DST: variants seen among roughly 807,000 people sequenced by gnomAD.
The protein encoded by DST is dystonin.
Under a neutral mutation model 875.2 loss-of-function variants are expected in DST, and 253 were observed. The observed-to-expected ratio is 0.29, with a 90% CI of 0.26 to 0.32. The LOEUF (loss-of-function observed/expected upper bound fraction) is 0.32. DST is among the 10% of genes least tolerant of loss of function. DST has a pLI of 1.00. For missense variants in DST, 8,287 were observed against 9,111.6 expected, an observed-to-expected ratio of 0.91 and a Z score of 3.68; for synonymous variants, 3,124 against 3,197.1, an observed-to-expected ratio of 0.98 and a Z score of 0.77.
intron 91 of DST, 82 bp downstream of exon 91, chr6:56,477,263 T>G: frequency 1.4e-6 from 2 of 1,451,854 alleles, no homozygotes; most frequent in South Asian, 2.9e-5. Flanking sequence ...TGGCCATAAG[T>G]GCATCTTAAT....
chr6:56,534,239 T>TA (rs1191850868), intron 63 of DST, among the ~76,000 whole-genome samples: 1 of 152,190 alleles, frequency 6.6e-6, no homozygotes, highest in Admixed American at 6.5e-5. Flanking sequence ...CTTTGAGTTT[T>TA]AAAATAACGT....
At chr6:56,639,906 A>AT (rs1379546200) in intron 19 of DST, 23 bp downstream of exon 19, 3 of 1,607,736 alleles carry the variant, frequency 1.9e-6, no homozygotes, top group Non-Finnish European at 2.6e-6. Flanking sequence ...AATGAAATAT[A>AT]TACAAATTTT....
At chr6:56,463,834 G>C in intron 100 of DST, 70 bp from the exon 101 acceptor site, 1 of 1,497,562 alleles carries the variant, frequency 6.7e-7, no homozygotes, top group Non-Finnish European at 9.3e-7. Context: ...ATCGTTAATG[G>C]GAAGAACGGC....
chr6:56,640,904 AT>A (rs1188451037), intron 17 of DST, among the ~76,000 whole-genome samples: 4 of 152,092 alleles, frequency 2.6e-5, no homozygotes, highest in African/African-American at 4.8e-5. Flanking sequence ...TTGCATCATG[AT>A]TTTTTTCAAT....
At chr6:56,755,517 TGA>T (rs2099599892) in intron 4 of DST, among the ~76,000 whole-genome samples, 1 of 152,200 alleles carries the variant, frequency 6.6e-6, no homozygotes, top group Non-Finnish European at 1.5e-5. Context: ...ATGAAGAAAC[TGA>T]GGTACTACTC....
At chr6:56,902,499 G>A (rs934457892) in intron 2 of DST, among the ~76,000 whole-genome samples, 1 of 152,228 alleles carries the variant, frequency 6.6e-6, no homozygotes, top group African/African-American at 2.4e-5. Flanking sequence ...TGAAGGATAT[G>A]AAGAAAGAGA....
chr6:56,823,262 T>C (rs1230748971), intron 4 of DST, among the ~76,000 whole-genome samples: 1 of 152,222 alleles, frequency 6.6e-6, no homozygotes, highest in Non-Finnish European at 1.5e-5. Context: ...CCCCTCAGTA[T>C]TTTTGTTCCA....
chr6:56,695,007 A>T (rs1383745091), intron 9 of DST, among the ~76,000 whole-genome samples: 1 of 151,636 alleles, frequency 6.6e-6, no homozygotes, highest in Non-Finnish European at 1.5e-5. Flanking sequence ...CGTGCCCATA[A>T]TCCCAGCTAC....
chr6:56,620,188 GTCTC>G, intron 36 of DST: 1 of 1,613,346 alleles, frequency 6.2e-7, no homozygotes, highest in Non-Finnish European at 8.5e-7. Context: ...CTTCCTCATT[GTCTC>G]TCTTTCTTCT....
intron 3 of DST, among the ~76,000 whole-genome samples, chr6:56,869,600 A>C (rs1010213618): frequency 1.3e-5 from 2 of 152,154 alleles, no homozygotes; most frequent in African/African-American, 4.8e-5. Context: ...GAAAAAAAAA[A>C]AAAACTTCAT....
At chr6:56,576,046 G>A (rs958519872) in intron 50 of DST, among the ~76,000 whole-genome samples, 1 of 152,142 alleles carries the variant, frequency 6.6e-6, no homozygotes, top group Admixed American at 6.6e-5. Flanking sequence ...GGGAAGAGGG[G>A]CTGAAGATTG....
chr6:56,728,402 G>GTTTCCAA (rs2099478288), intron 5 of DST, among the ~76,000 whole-genome samples: 1 of 152,158 alleles, frequency 6.6e-6, no homozygotes, highest in South Asian at 2.1e-4. Flanking sequence ...TATAGAAACT[G>GTTTCCAA]TTTCCAATTA....
At chr6:56,917,415 G>A (rs1366678896) in intron 2 of DST, among the ~76,000 whole-genome samples, 1 of 152,314 alleles carries the variant, frequency 6.6e-6, no homozygotes, top group Admixed American at 6.5e-5. Context: ...CCATTTTGTG[G>A]TGGCTACAGC....
At chr6:56,933,880 C>T (rs892861358) in intron 2 of DST, among the ~76,000 whole-genome samples, 2 of 152,156 alleles carry the variant, frequency 1.3e-5, no homozygotes, top group African/African-American at 4.8e-5. Flanking sequence ...AGATAGCTTA[C>T]TCTGCCAACA....
intron 3 of DST, among the ~76,000 whole-genome samples, chr6:56,876,088 C>T (rs935191963): frequency 1.3e-5 from 2 of 152,104 alleles, no homozygotes; most frequent in Admixed American, 6.6e-5. Context: ...CATGTCTCAT[C>T]GAAATCCCGG....
chr6:56,557,525 G>GA lies in DST; in HGVS notation c.14441-8dup, dbSNP rs771515425. ...AGTTCTTGCCACTTAGAATCTAAAA[G>GA]AAAAAAAATGAAACTGGTGTTTGAC... On this transcript the variant is annotated splice_polypyrimidine_tract_variant and splice_region_variant and intron_variant, in intron 58 of 103. Coordinates refer to ENST00000680361, the MANE Select transcript of DST (RefSeq NM_001374736.1). The GA allele has an allele frequency of 1.0e-5, 15 of 1,500,372 alleles. No homozygotes were observed. Among genetic ancestry groups the GA allele is most frequent in the Middle Eastern group, 1.7e-4 (1 of 5,908 alleles). 92.9% of individuals were successfully genotyped at this position (1,500,372 alleles called of 1,614,324 possible). A position where few individuals can be genotyped will look rare whatever the true frequency, so the allele number is the denominator to read the frequency against.
chr6:56,570,241 A>AG (rs1437536786), intron 53 of DST, among the ~76,000 whole-genome samples: 2 of 152,010 alleles, frequency 1.3e-5, no homozygotes, highest in Non-Finnish European at 1.5e-5. Flanking sequence ...CAGGCCAGGG[A>AG]GGGGGGATGG....
chr6:56,891,437 G>A (rs1301177861), intron 3 of DST, among the ~76,000 whole-genome samples: 2 of 151,888 alleles, frequency 1.3e-5, no homozygotes, highest in Non-Finnish European at 2.9e-5. Context: ...CGTGGTAGCG[G>A]GCACCTGTAG....
Position 56,908,012 on chromosome 6 carries a change from T to C in DST, c.217-7391A>G, listed in dbSNP as rs368117624. On this transcript the variant is annotated intron_variant, in intron 2 of 103. Coordinates refer to ENST00000680361, the MANE Select transcript of DST (RefSeq NM_001374736.1). Reference sequence around the variant, plus strand: ...TTGAGCCCAGGGGCGGAGGTTGCAGTGAGCCAAGATTGCACCACTGCACTC... The same window carrying C: ...TTGAGCCCAGGGGCGGAGGTTGCAGCGAGCCAAGATTGCACCACTGCACTC... 5.3e-5 allele frequency among the ~76,000 whole-genome samples: 8 copies of C among 152,100 alleles called. No individual in the cohort carries two copies. In the South Asian group the frequency reaches 1.7e-3, roughly 32 times the overall value.
Sources: allele counts gnomAD v4.1 joint callset (sites outside exome capture counted in the v4.1 genomes callset), GRCh38; gene constraint gnomAD v4.1.1; transcripts MANE v1.5; gene names NCBI Gene and HGNC (gene_info 2026-07-23, HGNC 2026-07-21).